Variants in SH3RF3 observed in about 807,000 individuals in gnomAD.
The protein encoded by SH3RF3 is E3 ubiquitin-protein ligase SH3RF3.
A neutral mutation model predicts 66.3 loss-of-function variants in SH3RF3; 29 were observed. That is an observed-to-expected ratio of 0.44 (90% confidence interval 0.33 to 0.60). The LOEUF is 0.60. Ranked by LOEUF, SH3RF3 falls within the 20% of genes least tolerant of loss-of-function variation. The probability of loss-of-function intolerance (pLI) is 0.04; values close to 1 mark genes in which losing one functional copy is unlikely to be tolerated. For missense variants in SH3RF3, 1,194 were observed against 1,190.9 expected (o/e 1.00, Z -0.04); for synonymous variants, 583 against 532.0 (o/e 1.10, Z -1.32).
chr2:109,387,629 C>G (rs566238008), intron 3 of SH3RF3, among the ~76,000 whole-genome samples: 1 of 152,348 alleles, frequency 6.6e-6, no homozygotes, highest in East Asian at 1.9e-4. Context: ...TCTGGGCCCC[C>G]TATTTAACCT....
intron 1 of SH3RF3, among the ~76,000 whole-genome samples, chr2:109,134,066 C>T (rs944590304): frequency 2.6e-5 from 4 of 152,164 alleles, no homozygotes; most frequent in Non-Finnish European, 4.4e-5. Context: ...CTTATATACC[C>T]GAGATTTTCT....
chr2:109,319,459 G>A (rs1305965200), intron 1 of SH3RF3, among the ~76,000 whole-genome samples: 1 of 152,098 alleles, frequency 6.6e-6, no homozygotes, highest in Non-Finnish European at 1.5e-5. Context: ...CAAGTGATTC[G>A]TTTTCTTACT....
intron 2 of SH3RF3, among the ~76,000 whole-genome samples, chr2:109,366,714 G>T (rs747300913): frequency 7.2e-5 from 11 of 152,130 alleles, no homozygotes; most frequent in Non-Finnish European, 1.6e-4. Flanking sequence ...TTAGCTGCGT[G>T]TGGTGGCACA....
chr2:109,188,758 C>T (rs181518485), intron 1 of SH3RF3, among the ~76,000 whole-genome samples: 17 of 152,266 alleles, frequency 1.1e-4, no homozygotes, highest in Middle Eastern at 6.8e-3. Flanking sequence ...GAGACACCAT[C>T]GCAGAAGCCA....
chr2:109,416,809 G>T (rs1262350118), intron 4 of SH3RF3, among the ~76,000 whole-genome samples: 1 of 151,652 alleles, frequency 6.6e-6, no homozygotes, highest in Admixed American at 6.6e-5. Context: ...AGGAGGCTAA[G>T]TCGGGAGAAT....
chr2:109,482,806 C>A (rs531349899), intron 8 of SH3RF3, among the ~76,000 whole-genome samples: 3 of 152,192 alleles, frequency 2.0e-5, no homozygotes, highest in Admixed American at 6.5e-5. Context: ...CACGATGCGG[C>A]GGTCACGTCT....
intron 4 of SH3RF3, among the ~76,000 whole-genome samples, chr2:109,404,603 G>A (rs1004371719): frequency 1.3e-5 from 2 of 152,276 alleles, no homozygotes; most frequent in South Asian, 4.1e-4. Context: ...GCTGCCACGG[G>A]CACACAGGGC....
intron 5 of SH3RF3, among the ~76,000 whole-genome samples, chr2:109,430,386 T>C (rs1046277852): frequency 7.2e-5 from 11 of 152,188 alleles, no homozygotes; most frequent in Admixed American, 3.3e-4. Context: ...AAGTCCTCCC[T>C]GCACTCTTCC....
rs375218346 is a variant in SH3RF3 at position 109,432,507 on chromosome 2, G to A, written c.1410G>A (p.Leu470=). 304 of 1,613,246 alleles carry A rather than the reference G, an allele frequency of 1.9e-4. 1 individual carries two copies. Among genetic ancestry groups the A allele is most frequent in the Non-Finnish European group, 2.2e-4 (261 of 1,179,730 alleles). Residue 470 remains leucine, a synonymous_variant, in exon 6 of 10, where the codon CTG becomes CTA. Transcript: ENST00000309415. ...CCCCATGCTTTGCCCGCAGGTACCTGGCGCTCTACGCCTACAAGCCCCAGA... is the reference window on the plus strand; with the variant it reads ...CCCCATGCTTTGCCCGCAGGTACCTAGCGCTCTACGCCTACAAGCCCCAGA... ...PKVQLPLNVY[L]ALYAYKPQKS...
At chr2:109,172,980 T>C (rs1426683241) in intron 1 of SH3RF3, among the ~76,000 whole-genome samples, 1 of 152,254 alleles carries the variant, frequency 6.6e-6, no homozygotes, top group Admixed American at 6.5e-5. Context: ...TGTATGACCT[T>C]GCGCTTGTCT....
intron 8 of SH3RF3, among the ~76,000 whole-genome samples, chr2:109,471,443 T>A (rs1036757663): frequency 3.7e-4 from 57 of 152,244 alleles, no homozygotes; most frequent in African/African-American, 1.3e-3. Flanking sequence ...TCACTCACTA[T>A]CACAAGAACA....
chr2:109,426,736 T>C (rs1002286685), intron 5 of SH3RF3, among the ~76,000 whole-genome samples: 1 of 152,218 alleles, frequency 6.6e-6, no homozygotes, highest in African/African-American at 2.4e-5. Context: ...GGTAAAATGC[T>C]GTCAAACAGC....
At position 109,437,069 on chromosome 2, in the gene SH3RF3, C is replaced by T; in HGVS notation, c.1751C>T (p.Ala584Val). 1 of 1,613,740 alleles carries T rather than the reference C, an allele frequency of 6.2e-7. No individual in the cohort carries two copies. Among genetic ancestry groups the T allele is most frequent in the Non-Finnish European group, 8.5e-7 (1 of 1,179,864 alleles). ...TPQAHAQHPTASPPTGSCLRH... is the reference protein window; with the variant it reads ...TPQAHAQHPTVSPPTGSCLRH... ...CAGGCCCACGCCCAGCACCCCACAG[C>T]CTCGCCCCCAACAGGCAGCTGTCTA... Residue 584 changes from alanine to valine, a missense_variant, in exon 7 of 10, where the codon GCC becomes GTC. Physicochemically the swap from Ala to Val is moderately conservative, Grantham distance 64 (BLOSUM62 0). Coordinates refer to ENST00000309415, the MANE Select transcript of SH3RF3 (RefSeq NM_001099289.3).
At chr2:109,454,844 G>T (rs1677994367) in intron 8 of SH3RF3, among the ~76,000 whole-genome samples, 1 of 151,866 alleles carries the variant, frequency 6.6e-6, no homozygotes, top group Admixed American at 6.6e-5. Context: ...GGTGATGATT[G>T]TAGACTAAAG....
intron 1 of SH3RF3, among the ~76,000 whole-genome samples, chr2:109,306,782 C>T (rs1235401055): frequency 6.6e-6 from 1 of 152,202 alleles, no homozygotes. Context: ...TAAAAAACTA[C>T]AGGGACCTTT....
At chr2:109,158,657 C>G (rs1677411921) in intron 1 of SH3RF3, among the ~76,000 whole-genome samples, 1 of 152,192 alleles carries the variant, frequency 6.6e-6, no homozygotes. Context: ...GAGAGCATCC[C>G]TATTTCTTCT....
chr2:109,172,647 A>G (rs1054758584), intron 1 of SH3RF3, among the ~76,000 whole-genome samples: 12 of 152,170 alleles, frequency 7.9e-5, no homozygotes, highest in Middle Eastern at 3.2e-3. Flanking sequence ...CATAGCAGGA[A>G]GCAATTGTTT....
At chr2:109,417,083 A>G (rs894367436) in intron 4 of SH3RF3, among the ~76,000 whole-genome samples, 6 of 152,036 alleles carry the variant, frequency 3.9e-5, no homozygotes, top group African/African-American at 7.2e-5. Flanking sequence ...CTTGGTAACT[A>G]TTTGAATGGG....
At chr2:109,190,385 G>A (rs1415290325) in intron 1 of SH3RF3, among the ~76,000 whole-genome samples, 1 of 152,212 alleles carries the variant, frequency 6.6e-6, no homozygotes, top group Admixed American at 6.5e-5. Context: ...TGTTGGCCAG[G>A]CTGGTCTCAA....
Sources: allele counts gnomAD v4.1 joint callset (sites outside exome capture counted in the v4.1 genomes callset), GRCh38; gene constraint gnomAD v4.1.1; transcripts MANE v1.5; gene names NCBI Gene and HGNC (gene_info 2026-07-23, HGNC 2026-07-21).